HSF5: variants seen among roughly 807,000 people sequenced by gnomAD.
The protein encoded by HSF5 is heat shock transcription factor 5.
A neutral mutation model predicts 50.8 loss-of-function variants in HSF5; 5 were observed. The ratio of observed to expected loss-of-function variants is 0.10; its 90% CI spans 0.05 to 0.21. HSF5 has a LOEUF of 0.21. Among genes scored for constraint, HSF5 ranks in the 10% least tolerant of loss-of-function variants. HSF5 has a pLI of 1.00. For synonymous variants in HSF5, 307 were observed against 307.4 expected, an observed-to-expected ratio of 1.00 and a Z score of 0.02; for missense variants, 564 against 762.6, an observed-to-expected ratio of 0.74 and a Z score of 3.07.
intron 5 of HSF5, among the ~76,000 whole-genome samples, chr17:58,441,164 A>C (rs1974493783): frequency 6.6e-6 from 1 of 152,236 alleles, no homozygotes; most frequent in South Asian, 2.1e-4. Flanking sequence ...TTCTCTGACC[A>C]CAACACAATT....
rs1974226451 is a variant in HSF5, at chr17:58,421,192, A to C, written c.*1168T>G. 6.6e-6 allele frequency: 1 copy of C among 152,576 alleles called. No individual in the cohort carries two copies. The highest frequency in any genetic ancestry group is 2.4e-5 in the African/African-American group (1 of 41,456). 9.5% of individuals were successfully genotyped at this position (152,576 alleles called of 1,614,324 possible). ...CTTCTCTCCTAAAACACAGTCCCAC[A>C]ATCCTACTGCACAAATCTAGAATCC... On this transcript the variant is annotated 3_prime_UTR_variant, in exon 6 of 6. Coordinates refer to ENST00000323777, the MANE Select transcript of HSF5 (RefSeq NM_001080439.3).
intron 5 of HSF5, among the ~76,000 whole-genome samples, chr17:58,443,131 C>T (rs1427149275): frequency 6.6e-6 from 1 of 151,942 alleles, no homozygotes; most frequent in Non-Finnish European, 1.5e-5. Context: ...ATGGTCTCAA[C>T]CTCCTGACCT....
At chr17:58,467,855 G>A (rs1003223922) in intron 2 of HSF5, among the ~76,000 whole-genome samples, 1 of 152,218 alleles carries the variant, frequency 6.6e-6, no homozygotes, top group African/African-American at 2.4e-5. Flanking sequence ...AATAGGTTGA[G>A]TCTGCTTTTT....
chr17:58,481,256 G>A (rs1975094814), intron 1 of HSF5, among the ~76,000 whole-genome samples: 1 of 152,036 alleles, frequency 6.6e-6, no homozygotes, highest in Non-Finnish European at 1.5e-5. Flanking sequence ...CTCAAACATT[G>A]GTTTACATCT....
chr17:58,442,187 CATTT>C (rs759593375), intron 5 of HSF5, among the ~76,000 whole-genome samples: 2 of 152,196 alleles, frequency 1.3e-5, no homozygotes, highest in Non-Finnish European at 2.9e-5. Flanking sequence ...CCCCAGAAGT[CATTT>C]ACCTCTTCTT....
rs116786119 is a variant in HSF5, at chr17:58,428,976, T to C, written c.1721-6546A>G. ...AGCACTATTCACAATAGGCAAAACA[T>C]AGAAAAAGCCCAAATGCCCATCAGT... On this transcript the variant is annotated intron_variant, in intron 5 of 5. Coordinates refer to ENST00000323777, the MANE Select transcript of HSF5 (RefSeq NM_001080439.3). 6.4e-3 allele frequency among the ~76,000 whole-genome samples: 979 copies of C among 152,226 alleles called. 6 individuals are homozygous for C. Among genetic ancestry groups the C allele is most frequent in the African/African-American group, 0.022 (906 of 41,542 alleles).
At position 58,487,839 on chromosome 17, in the gene HSF5, A is replaced by T. The variant is rs375505995; in HGVS notation, c.436T>A (p.Cys146Ser). The T allele has an allele frequency of 4.4e-6, 7 of 1,584,576 alleles. No individual in the cohort carries two copies. In the African/African-American group the frequency reaches 8.2e-5, roughly 19 times the overall value. The change falls in exon 1 of 6, where the codon TGC becomes AGC. Residue 146 changes from cysteine (C) to serine (S), a missense_variant. Physicochemically the swap from Cys to Ser is moderately radical, Grantham distance 112. This residue lies in a region of HSF5 where 21 missense variants were observed against 75.9 expected (regional missense o/e 0.28). Coordinates refer to ENST00000323777, the MANE Select transcript of HSF5 (RefSeq NM_001080439.3). ...AKLAAGLEVP[C>S]RPPNRFQRLL... Reference sequence around the variant, plus strand: ...CGCTGGAAGCGGTTGGGCGGGCGGCAGGGCACCTCCAGGCCGGCCGCCAGC... The same window carrying T: ...CGCTGGAAGCGGTTGGGCGGGCGGCTGGGCACCTCCAGGCCGGCCGCCAGC...
At chr17:58,475,296 G>A (rs1953034024) in intron 2 of HSF5, among the ~76,000 whole-genome samples, 1 of 152,168 alleles carries the variant, frequency 6.6e-6, no homozygotes, top group South Asian at 2.1e-4. Flanking sequence ...TTTGTTTTGT[G>A]TGTACACATT....
intron 3 of HSF5, among the ~76,000 whole-genome samples, chr17:58,464,090 A>G (rs1356636056): frequency 6.6e-6 from 1 of 152,240 alleles, no homozygotes; most frequent in Non-Finnish European, 1.5e-5. Flanking sequence ...CTTAAAATAC[A>G]GAAGAGTTAT....
chr17:58,469,733 C>A (rs1430039236), intron 2 of HSF5, among the ~76,000 whole-genome samples: 1 of 152,126 alleles, frequency 6.6e-6, no homozygotes, highest in Non-Finnish European at 1.5e-5. Flanking sequence ...TTCATCTGCA[C>A]AAAGAACTTT....
Position 58,488,293 on chromosome 17 carries a change from C to A in HSF5, c.-19G>T. 1 of 1,454,508 alleles carries A rather than the reference C, an allele frequency of 6.9e-7. No homozygotes were observed. Among genetic ancestry groups the A allele is most frequent in the Non-Finnish European group, 9.0e-7 (1 of 1,116,432 alleles). The allele number at this position is 1,454,508 out of a possible 1,614,324, so 90.1% of individuals were successfully genotyped here. A position where few individuals can be genotyped will look rare whatever the true frequency, so the allele number is the denominator to read the frequency against. The stretch of plus-strand genomic sequence containing the variant: ...CCTCCATCGCCCCGCCGGGCCGGGG[C>A]CTCGCCCCCCGAGCCTAGCTCTCCC... On this transcript the variant is annotated 5_prime_UTR_variant, in exon 1 of 6. Coordinates refer to ENST00000323777, the MANE Select transcript of HSF5 (RefSeq NM_001080439.3). This position sits in a 1 kb window ranked among gnomAD's most constrained non-coding sequence, Gnocchi z 4.1.
intron 2 of HSF5, among the ~76,000 whole-genome samples, chr17:58,469,403 T>C (rs1354951757): frequency 6.6e-6 from 1 of 152,210 alleles, no homozygotes; most frequent in Non-Finnish European, 1.5e-5. Context: ...GCTGAGTTAG[T>C]ATCTCAGGAA....
intron 2 of HSF5, among the ~76,000 whole-genome samples, chr17:58,474,819 C>T (rs2081227349): frequency 1.3e-5 from 2 of 152,058 alleles, no homozygotes; most frequent in Admixed American, 1.3e-4. Context: ...TAGGCTCAAG[C>T]AATCCTCCAC....
At chr17:58,453,599 A>AAACAACAACAAC (rs71143249) in intron 5 of HSF5, among the ~76,000 whole-genome samples, 27 of 150,652 alleles carry the variant, frequency 1.8e-4, no homozygotes, top group Middle Eastern at 3.4e-3. Flanking sequence ...ACTCCATCTC[A>AAACAACAACAAC]AACAACAACA....
intron 1 of HSF5, among the ~76,000 whole-genome samples, chr17:58,487,458 G>A (rs187126415): frequency 8.5e-5 from 13 of 152,344 alleles, no homozygotes; most frequent in South Asian, 2.1e-4. Context: ...CTAAGAGGCG[G>A]AGGTCCCTTT....
chr17:58,455,929 C>T (rs1242708386), intron 5 of HSF5, among the ~76,000 whole-genome samples: 1 of 152,028 alleles, frequency 6.6e-6, no homozygotes, highest in African/African-American at 2.4e-5. Context: ...TATGAAGGTT[C>T]TTAAAAAATT....
At chr17:58,422,509 G>C (rs909962524) in intron 5 of HSF5, 79 bp from the exon 6 acceptor site, 2 of 1,072,538 alleles carry the variant, frequency 1.9e-6, no homozygotes, top group Admixed American at 4.1e-5. Flanking sequence ...AGCAGAACAA[G>C]TTGTCTATGT....
chr17:58,432,033 TAACTG>T (rs1263831922), intron 5 of HSF5, among the ~76,000 whole-genome samples: 2 of 152,200 alleles, frequency 1.3e-5, no homozygotes, highest in Non-Finnish European at 2.9e-5. Flanking sequence ...GCAGTGGCAT[TAACTG>T]AACTGTACAT....
chr17:58,467,374 TAA>T (rs1009304558), intron 2 of HSF5, among the ~76,000 whole-genome samples: 7 of 152,210 alleles, frequency 4.6e-5, no homozygotes, highest in Non-Finnish European at 7.3e-5. Flanking sequence ...TGGAGTGTTT[TAA>T]AAGAGTAAAA....
Sources: gnomAD v4.1 joint callset for allele counts (sites outside exome capture counted in the v4.1 genomes callset) on GRCh38, gnomAD v4.1.1 for gene constraint, gnomAD v4.1.1 regional missense constraint, Gnocchi (gnomAD v3.1) non-coding constraint, MANE v1.5 for transcripts, NCBI Gene and HGNC (gene_info 2026-07-23, HGNC 2026-07-21) for gene names.